Variants in LYPD6 observed in about 807,000 individuals in gnomAD.
LYPD6 encodes ly6/PLAUR domain-containing protein 6.
Under a neutral mutation model 22.7 loss-of-function variants are expected in LYPD6, and 15 were observed. The ratio of observed to expected loss-of-function variants is 0.66; its 90% CI spans 0.44 to 1.02. LYPD6 has a LOEUF of 1.02. Ranked by LOEUF, LYPD6 falls within the 50% of genes least tolerant of loss-of-function variation. The pLI is 0.00. For missense variants in LYPD6, 189 were observed against 208.4 expected (o/e 0.91, Z 0.57); for synonymous variants, 72 against 77.5 (o/e 0.93, Z 0.37).
chr2:149,341,834 G>A lies in LYPD6; in HGVS notation c.-72+11112G>A, dbSNP rs578137416. Reference sequence around the variant, plus strand: ...TCTATAAGGCCCTAATCCCATTTGCGAGGGAGGAGCCTTCATGCATAATCA... The same window carrying A: ...TCTATAAGGCCCTAATCCCATTTGCAAGGGAGGAGCCTTCATGCATAATCA... On this transcript the variant is annotated intron_variant, in intron 1 of 4. Coordinates refer to ENST00000334166, the MANE Select transcript of LYPD6 (RefSeq NM_194317.5). Among the ~76,000 whole-genome samples, 3 of 152,262 alleles carry A rather than the reference G, an allele frequency of 2.0e-5. No individual in the cohort carries two copies. The East Asian group carries it at 5.8e-4, about 29-fold the overall frequency.
At chr2:149,373,109 C>G (rs1299954856) in intron 1 of LYPD6, among the ~76,000 whole-genome samples, 1 of 152,080 alleles carries the variant, frequency 6.6e-6, no homozygotes, top group Non-Finnish European at 1.5e-5. Flanking sequence ...CAAGAGAGAG[C>G]AGGCCCTTGA....
At chr2:149,408,490 C>T (rs977480055) in intron 1 of LYPD6, among the ~76,000 whole-genome samples, 14 of 152,122 alleles carry the variant, frequency 9.2e-5, no homozygotes, top group African/African-American at 1.9e-4. Context: ...TTGATTATTT[C>T]GTCAAATATA....
intron 1 of LYPD6, among the ~76,000 whole-genome samples, chr2:149,366,534 A>C (rs1469556220): frequency 6.6e-6 from 1 of 152,222 alleles, no homozygotes; most frequent in Non-Finnish European, 1.5e-5. Flanking sequence ...TTATAAACAC[A>C]GAGCCAGAGA....
intron 1 of LYPD6, among the ~76,000 whole-genome samples, chr2:149,410,822 T>G (rs1037786571): frequency 2.0e-5 from 3 of 152,238 alleles, no homozygotes; most frequent in Non-Finnish European, 4.4e-5. Flanking sequence ...ATTTGCATTA[T>G]GAAGGGCCCA....
intron 1 of LYPD6, among the ~76,000 whole-genome samples, chr2:149,374,381 G>A (rs1573751186): frequency 6.6e-6 from 1 of 152,188 alleles, no homozygotes; most frequent in Non-Finnish European, 1.5e-5. Flanking sequence ...AGGTTGAAAA[G>A]TAGAGTAGAT....
intron 2 of LYPD6, among the ~76,000 whole-genome samples, chr2:149,438,053 A>C (rs1475807522): frequency 6.6e-6 from 1 of 152,152 alleles, no homozygotes; most frequent in Non-Finnish European, 1.5e-5. Flanking sequence ...TCTGTTCCCT[A>C]CACAATCACT....
At chr2:149,365,525 AT>A (rs1165622553) in intron 1 of LYPD6, among the ~76,000 whole-genome samples, 4 of 149,644 alleles carry the variant, frequency 2.7e-5, no homozygotes, top group East Asian at 2.0e-4. Flanking sequence ...GTTATTAAGG[AT>A]TTTTTTTTCA....
intron 3 of LYPD6, among the ~76,000 whole-genome samples, chr2:149,461,912 A>G (rs1400692328): frequency 1.3e-5 from 2 of 152,006 alleles, no homozygotes; most frequent in East Asian, 3.8e-4. Context: ...ACTTGATAAC[A>G]TCGATTAAAA....
intron 1 of LYPD6, among the ~76,000 whole-genome samples, chr2:149,351,221 C>T (rs572081568): frequency 1.3e-5 from 2 of 151,990 alleles, no homozygotes; most frequent in Admixed American, 1.3e-4. Context: ...TGGTGAAACC[C>T]TGCGTCTAAT....
At chr2:149,364,544 A>G (rs1384276672) in intron 1 of LYPD6, among the ~76,000 whole-genome samples, 1 of 135,332 alleles carries the variant, frequency 7.4e-6, no homozygotes, top group Non-Finnish European at 1.6e-5. Flanking sequence ...ACAGAGTACA[A>G]TTTTTTTTTT....
intron 1 of LYPD6, among the ~76,000 whole-genome samples, chr2:149,347,908 C>T (rs1299527220): frequency 1.3e-5 from 2 of 151,876 alleles, no homozygotes; most frequent in African/African-American, 4.8e-5. Context: ...CTGGGCCCTA[C>T]CCAGGGATAT....
intron 1 of LYPD6, among the ~76,000 whole-genome samples, chr2:149,352,911 G>A (rs76648618): frequency 0.017 from 2,635 of 152,272 alleles, 87 homozygotes; most frequent in African/African-American, 0.06. Flanking sequence ...GTGAACTTTC[G>A]GTTGGGCCTT....
At chr2:149,464,131 T>C in intron 3 of LYPD6, 1 of 404,452 alleles carries the variant, frequency 2.5e-6, no homozygotes, top group Admixed American at 3.8e-5. Context: ...AAAAAAACAG[T>C]TTAAACACAA....
intron 1 of LYPD6, among the ~76,000 whole-genome samples, chr2:149,338,629 A>G (rs1219183626): frequency 6.6e-6 from 1 of 152,174 alleles, no homozygotes; most frequent in Non-Finnish European, 1.5e-5. Context: ...CAGACACCAG[A>G]TCTGCTGGTA....
chr2:149,395,949 A>G (rs1428793143), intron 1 of LYPD6, among the ~76,000 whole-genome samples: 1 of 152,104 alleles, frequency 6.6e-6, no homozygotes, highest in Admixed American at 6.6e-5. Flanking sequence ...GCCTTTCTGG[A>G]GTTGTCCTTG....
chr2:149,366,175 C>A (rs765111958), intron 1 of LYPD6, among the ~76,000 whole-genome samples: 1 of 152,216 alleles, frequency 6.6e-6, no homozygotes, highest in Non-Finnish European at 1.5e-5. Flanking sequence ...CTTTCACCCA[C>A]TGCCTGCCTT....
At chr2:149,465,853 A>C (rs185806425) in intron 3 of LYPD6, among the ~76,000 whole-genome samples, 2 of 152,340 alleles carry the variant, frequency 1.3e-5, no homozygotes, top group African/African-American at 4.8e-5. Context: ...CTGTTAATCT[A>C]ATAGTAAAAG....
intron 1 of LYPD6, among the ~76,000 whole-genome samples, chr2:149,395,257 G>A (rs1168481272): frequency 1.3e-5 from 2 of 152,100 alleles, no homozygotes; most frequent in African/African-American, 2.4e-5. Flanking sequence ...TCTGTTGTTT[G>A]TTCCTATGCC....
chr2:149,407,492 A>T (rs1682744581), intron 1 of LYPD6, among the ~76,000 whole-genome samples: 1 of 152,024 alleles, frequency 6.6e-6, no homozygotes, highest in African/African-American at 2.4e-5. Context: ...TTGATCTTCC[A>T]TCACTGATAC....
Sources: allele counts gnomAD v4.1 joint callset (sites outside exome capture counted in the v4.1 genomes callset), GRCh38; gene constraint gnomAD v4.1.1; transcripts MANE v1.5; gene names NCBI Gene and HGNC (gene_info 2026-07-23, HGNC 2026-07-21).